Variants in WNT8B observed in about 807,000 individuals in gnomAD.
WNT8B encodes Wnt family member 8B.
A neutral mutation model predicts 36.6 loss-of-function variants in WNT8B; 24 were observed. That is an observed-to-expected ratio of 0.66 (90% CI 0.48 to 0.92). WNT8B has a LOEUF of 0.92. Ranked by LOEUF, WNT8B falls within the 40% of genes least tolerant of loss-of-function variation. The pLI is 0.00. For missense variants in WNT8B, 402 were observed against 470.8 expected (o/e 0.85, Z 1.35); for synonymous variants, 199 against 189.8 (o/e 1.05, Z -0.40).
chr10:100,465,703 C>T (rs1318262642), intron 1 of WNT8B, among the ~76,000 whole-genome samples: 1 of 152,176 alleles, frequency 6.6e-6, no homozygotes, highest in Non-Finnish European at 1.5e-5. Flanking sequence ...AAACAGGGTC[C>T]ATTTCTCTTC....
intron 1 of WNT8B, among the ~76,000 whole-genome samples, 175 bp downstream of exon 1, chr10:100,463,411 G>A (rs771885337): frequency 6.6e-6 from 1 of 152,126 alleles, no homozygotes; most frequent in Non-Finnish European, 1.5e-5. Context: ...GAATCTTTAG[G>A]ACCCCTACCA....
Position 100,483,394 on chromosome 10 carries a change from A to T in WNT8B, c.*578A>T, listed in dbSNP as rs963896083. On this transcript the variant is annotated 3_prime_UTR_variant, in exon 6 of 6. Coordinates refer to ENST00000343737, the MANE Select transcript of WNT8B (RefSeq NM_003393.4). ...GCATGTCTTTGGGGTTGGTTCCTAG[A>T]GGCAGAGGTTGAAGATGGAAGAGGG... The T allele has an allele frequency of 2.0e-5, 3 of 152,264 alleles. No individual in the cohort carries two copies. Among genetic ancestry groups the T allele is most frequent in the Non-Finnish European group, 4.4e-5 (3 of 68,098 alleles). The allele number at this position is 152,264 out of a possible 1,614,324, so 9.4% of individuals were successfully genotyped here.
At chr10:100,467,164 T>C (rs914240668) in intron 1 of WNT8B, among the ~76,000 whole-genome samples, 5 of 152,148 alleles carry the variant, frequency 3.3e-5, no homozygotes, top group Admixed American at 1.3e-4. Context: ...GCCAAACTTT[T>C]ATGGTTTGTT....
Position 100,482,051 on chromosome 10 carries a change from C to T in WNT8B, c.507C>T (p.Arg169=), listed in dbSNP as rs1454594692. The T allele has an allele frequency of 6.2e-7, 1 of 1,614,126 alleles. No individual in the cohort carries two copies. The highest frequency in any genetic ancestry group is 8.5e-7 in the Non-Finnish European group (1 of 1,179,980). Residue 169 remains arginine, a synonymous_variant, in exon 5 of 6, where the codon CGC becomes CGT. Coordinates refer to ENST00000343737, the MANE Select transcript of WNT8B (RefSeq NM_003393.4). The surrounding 1 kb of genome is among the most constrained non-coding windows in gnomAD (Gnocchi z 6.6). ...ACCTGCACAACAACGAGGCTGGCCG[C>T]AAGGTGAGTCCCGCAGCCCTTGGAA... ...AMNLHNNEAG[R]KAVKGTMKRT...
intron 1 of WNT8B, among the ~76,000 whole-genome samples, 157 bp from the exon 2 acceptor site, chr10:100,478,895 T>C (rs1257065013): frequency 6.6e-6 from 1 of 152,214 alleles, no homozygotes; most frequent in Non-Finnish European, 1.5e-5. Flanking sequence ...AAATCATCTT[T>C]AGTAGGTTTG....
chr10:100,482,836 C>G lies in WNT8B; in HGVS notation c.*20C>G. 1 of 1,477,192 alleles carries G rather than the reference C, an allele frequency of 6.8e-7. No individual in the cohort carries two copies. The highest frequency in any genetic ancestry group is 9.0e-7 in the Non-Finnish European group (1 of 1,112,746). 91.5% of individuals were successfully genotyped at this position (1,477,192 alleles called of 1,614,324 possible). A position where few individuals can be genotyped will look rare whatever the true frequency, so the allele number is the denominator to read the frequency against. On this transcript the variant is annotated 3_prime_UTR_variant, in exon 6 of 6. Transcript: ENST00000343737. The surrounding 1 kb of genome is among the most constrained non-coding windows in gnomAD (Gnocchi z 6.6). ...CCCTAAGGGTTTCCTCTGCCCCCTC[C>G]TTTTCCCACTGGTTCTTGGCTTCCT...
intron 1 of WNT8B, among the ~76,000 whole-genome samples, chr10:100,477,227 T>A (rs1437241083): frequency 1.3e-5 from 2 of 152,170 alleles, no homozygotes; most frequent in Non-Finnish European, 2.9e-5. Context: ...CAACGTATCA[T>A]TCCTTTTTAT....
chr10:100,469,339 C>T (rs928983171), intron 1 of WNT8B, among the ~76,000 whole-genome samples: 1 of 152,160 alleles, frequency 6.6e-6, no homozygotes, highest in African/African-American at 2.4e-5. Context: ...AAATAGATCC[C>T]TCCACTGATA....
intron 1 of WNT8B, among the ~76,000 whole-genome samples, chr10:100,466,355 C>G (rs1850907229): frequency 6.6e-6 from 1 of 152,010 alleles, no homozygotes; most frequent in Non-Finnish European, 1.5e-5. Flanking sequence ...TGTAGGAAGG[C>G]CTGAGGGCTC....
In WNT8B at chr10:100,482,594, C is replaced by G. The variant is rs1265733764; in HGVS notation, c.834C>G (p.Ala278=). 8.1e-6 allele frequency: 13 copies of G among 1,598,090 alleles called. No homozygotes were observed. The highest frequency in any genetic ancestry group is 1.1e-5 in the Non-Finnish European group (13 of 1,177,336). ...EGRECLRRGR[A]LGRWERRSCR... ...GAGAGTGCCTAAGGCGCGGGCGGGC[C>G]CTGGGTCGCTGGGAACGCCGCAGCT... The change falls in exon 6 of 6, where the codon GCC becomes GCG. Residue 278 remains alanine, a synonymous_variant. Transcript: ENST00000343737. The surrounding 1 kb of genome is among the most constrained non-coding windows in gnomAD (Gnocchi z 6.6).
At chr10:100,477,811 C>G (rs1379047440) in intron 1 of WNT8B, among the ~76,000 whole-genome samples, 1 of 145,712 alleles carries the variant, frequency 6.9e-6, no homozygotes, top group Non-Finnish European at 1.5e-5. Flanking sequence ...GAATATCACT[C>G]TGTTGCTCAG....
rs1436934175 is a variant in WNT8B, at chr10:100,479,979, C to G, written c.208C>G (p.Leu70Val). 1 of 1,613,828 alleles carries G rather than the reference C, an allele frequency of 6.2e-7. No individual in the cohort carries two copies. The highest frequency in any genetic ancestry group is 8.5e-7 in the Non-Finnish European group (1 of 1,179,886). ...WDRWNCPERA[L>V]QLSSHGGLRS... ...CCGCTGGAACTGCCCTGAGAGAGCC[C>G]TGCAGCTGTCCAGCCATGGTGGGCT... Residue 70 changes from leucine (L) to valine (V), a missense_variant, in exon 3 of 6, where the codon CTG (leucine) becomes GTG (valine). Transcript: ENST00000343737.
chr10:100,477,569 G>T (rs1345088694), intron 1 of WNT8B, among the ~76,000 whole-genome samples: 1 of 152,050 alleles, frequency 6.6e-6, no homozygotes, highest in Non-Finnish European at 1.5e-5. Flanking sequence ...AAAGTGCTAG[G>T]ATTACAGGCG....
chr10:100,481,744 G>C (rs941097929), intron 4 of WNT8B, among the ~76,000 whole-genome samples, 168 bp from the exon 5 acceptor site: 1 of 152,178 alleles, frequency 6.6e-6, no homozygotes, highest in African/African-American at 2.4e-5. Flanking sequence ...GCGTGTAAAA[G>C]TGGCAAAAAC....
At chr10:100,466,598 A>G (rs140320928) in intron 1 of WNT8B, among the ~76,000 whole-genome samples, 41 of 152,246 alleles carry the variant, frequency 2.7e-4, no homozygotes, top group African/African-American at 9.6e-4. Flanking sequence ...ATGCTCTAAG[A>G]TGCATCTTTG....
intron 3 of WNT8B, 78 bp downstream of exon 3, chr10:100,480,090 C>G: frequency 6.6e-7 from 1 of 1,519,648 alleles, no homozygotes; most frequent in Non-Finnish European, 8.8e-7. Flanking sequence ...CTTGCCTCCT[C>G]GACACCCTTA....
rs539330201 is a variant in WNT8B, at chr10:100,475,888, T to C, written c.69-3164T>C. Among the ~76,000 whole-genome samples, 6 of 152,300 alleles carry C rather than the reference T, an allele frequency of 3.9e-5. No individual in the cohort carries two copies. In the East Asian group the frequency reaches 1.2e-3, roughly 29 times the overall value. On this transcript the variant is annotated intron_variant, in intron 1 of 5. Transcript: ENST00000343737. ...CTATAATGGCTTTGGAAATTGTGAA[T>C]TCATTTAAGTCATTCTGAATTGTAT...
At chr10:100,477,615 C>T (rs537735866) in intron 1 of WNT8B, among the ~76,000 whole-genome samples, 1 of 152,078 alleles carries the variant, frequency 6.6e-6, no homozygotes, top group Admixed American at 6.5e-5. Flanking sequence ...TTTTAAACTA[C>T]CCTTTGAAGG....
chr10:100,471,973 T>A (rs1850982364), intron 1 of WNT8B, among the ~76,000 whole-genome samples: 1 of 151,888 alleles, frequency 6.6e-6, no homozygotes, highest in Non-Finnish European at 1.5e-5. Context: ...CATGGGCAGA[T>A]CACTTGAGGT....
Sources: gnomAD v4.1 joint callset for allele counts (sites outside exome capture counted in the v4.1 genomes callset) on GRCh38, gnomAD v4.1.1 for gene constraint, Gnocchi (gnomAD v3.1) non-coding constraint, MANE v1.5 for transcripts, NCBI Gene and HGNC (gene_info 2026-07-23, HGNC 2026-07-21) for gene names.